The following PPM1H variants were observed in gnomAD, a reference collection of about 807,000 sequenced individuals.
PPM1H encodes protein phosphatase, Mg2+/Mn2+ dependent 1H, also known as protein phosphatase 1H.
Under a neutral mutation model 54.9 loss-of-function variants are expected in PPM1H, and 27 were observed. The observed-to-expected ratio is 0.49, with a 90% confidence interval of 0.36 to 0.68. PPM1H has a LOEUF of 0.68. Among genes scored for constraint, PPM1H ranks in the 30% least tolerant of loss-of-function variants. The pLI is 0.00. For missense variants in PPM1H, 596 were observed against 667.8 expected (o/e 0.89, Z 1.19); for synonymous variants, 305 against 270.8 (o/e 1.13, Z -1.24).
At chr12:62,916,092 G>C (rs1871613487) in intron 1 of PPM1H, among the ~76,000 whole-genome samples, 1 of 152,082 alleles carries the variant, frequency 6.6e-6, no homozygotes, top group African/African-American at 2.4e-5. Context: ...TTATATTATA[G>C]TTATACACAC....
chr12:62,787,869 G>C (rs1022654406), intron 4 of PPM1H, among the ~76,000 whole-genome samples: 40 of 152,194 alleles, frequency 2.6e-4, no homozygotes, highest in African/African-American at 9.4e-4. Flanking sequence ...AGTCAACTGG[G>C]GAGTCATCCC....
At chr12:62,659,103 T>G (rs962346916) in intron 9 of PPM1H, 1 of 731,666 alleles carries the variant, frequency 1.4e-6, no homozygotes, top group Non-Finnish European at 2.5e-6. Flanking sequence ...CAAATCTTAC[T>G]GTGCTGAGAT....
chr12:62,678,596 TGA>T (rs2076000580), intron 8 of PPM1H, among the ~76,000 whole-genome samples: 1 of 152,148 alleles, frequency 6.6e-6, no homozygotes, highest in African/African-American at 2.4e-5. Context: ...TAGCCAGACC[TGA>T]GAGTTAGAGA....
chr12:62,851,043 A>AT (rs1216468974), intron 1 of PPM1H: 1 of 152,166 alleles, frequency 6.6e-6, no homozygotes, highest in Non-Finnish European at 1.5e-5. Context: ...AAATACATGT[A>AT]TTTTTTAATG....
At chr12:62,688,497 A>C (rs1426441394) in intron 8 of PPM1H, among the ~76,000 whole-genome samples, 2 of 152,230 alleles carry the variant, frequency 1.3e-5, no homozygotes, top group African/African-American at 2.4e-5. Context: ...AGACTTTTCC[A>C]AATTTGGAAG....
intron 4 of PPM1H, among the ~76,000 whole-genome samples, chr12:62,774,966 A>G (rs975727742): frequency 2.0e-5 from 3 of 152,170 alleles, no homozygotes; most frequent in Non-Finnish European, 4.4e-5. Flanking sequence ...CCTTATCAGT[A>G]AAAAAGGGAA....
chr12:62,895,724 C>T (rs1870964060), intron 1 of PPM1H, among the ~76,000 whole-genome samples: 1 of 152,146 alleles, frequency 6.6e-6, no homozygotes, highest in African/African-American at 2.4e-5. Context: ...CTCCTCTGCA[C>T]TTGCACTCAC....
intron 3 of PPM1H, among the ~76,000 whole-genome samples, chr12:62,788,723 C>T (rs1443853468): frequency 3.9e-5 from 6 of 152,064 alleles, no homozygotes; most frequent in Admixed American, 3.9e-4. Context: ...TGGACCTGAT[C>T]AATGTTTTGT....
chr12:62,822,500 A>C (rs996699741), intron 2 of PPM1H, among the ~76,000 whole-genome samples: 5 of 152,224 alleles, frequency 3.3e-5, no homozygotes, highest in African/African-American at 1.2e-4. Context: ...GAAGTAAAGC[A>C]GTCCTTAACA....
intron 2 of PPM1H, 141 bp from the exon 3 acceptor site, chr12:62,802,301 C>A: frequency 1.7e-6 from 1 of 602,220 alleles, no homozygotes; most frequent in Non-Finnish European, 2.7e-6. Context: ...ACATAGCAAA[C>A]AAAACAAAAT....
chr12:62,789,852 C>T (rs564991213), intron 3 of PPM1H, among the ~76,000 whole-genome samples: 9 of 152,220 alleles, frequency 5.9e-5, no homozygotes, highest in Non-Finnish European at 1.0e-4. Context: ...AGACAGATAC[C>T]TGTGAAATTC....
At chr12:62,867,473 C>T (rs1010441315) in intron 1 of PPM1H, among the ~76,000 whole-genome samples, 2 of 151,414 alleles carry the variant, frequency 1.3e-5, no homozygotes, top group South Asian at 2.1e-4. Context: ...TAAATATAAC[C>T]GCAGGGAAAC....
At chr12:62,810,062 C>T (rs1304755790) in intron 2 of PPM1H, among the ~76,000 whole-genome samples, 1 of 152,088 alleles carries the variant, frequency 6.6e-6, no homozygotes. Context: ...GTCTCATTTG[C>T]TCTGGTATTC....
intron 4 of PPM1H, among the ~76,000 whole-genome samples, chr12:62,744,061 T>G (rs1460852319): frequency 6.6e-6 from 1 of 151,962 alleles, no homozygotes. Context: ...AATTCAGACT[T>G]TTGACGTTAT....
intron 1 of PPM1H, among the ~76,000 whole-genome samples, chr12:62,899,923 G>A (rs565786442): frequency 9.9e-5 from 15 of 152,240 alleles, no homozygotes; most frequent in African/African-American, 3.4e-4. Context: ...TCACAAATGG[G>A]GTTACTGCCC....
intron 5 of PPM1H, among the ~76,000 whole-genome samples, chr12:62,727,546 T>C (rs931139510): frequency 1.3e-5 from 2 of 151,882 alleles, no homozygotes; most frequent in Non-Finnish European, 2.9e-5. Flanking sequence ...TTTACAATCC[T>C]AAGAATACCT....
chr12:62,901,184 A>G (rs1871156416), intron 1 of PPM1H, among the ~76,000 whole-genome samples: 2 of 152,236 alleles, frequency 1.3e-5, no homozygotes, highest in Admixed American at 6.5e-5. Context: ...CTGTTGCACA[A>G]TGAATATTAG....
rs192499332 is a variant in PPM1H at position 62,665,131 on chromosome 12, T to C, written c.1397+2047A>G. Among the ~76,000 whole-genome samples the C allele has an allele frequency of 3.3e-5, 5 of 152,200 alleles. No homozygotes were observed. The East Asian group carries it at 9.7e-4, about 29-fold the overall frequency. On this transcript the variant is annotated intron_variant, in intron 9 of 9. Coordinates refer to ENST00000228705, the MANE Select transcript of PPM1H (RefSeq NM_020700.2). ...GGCGTGATCTCAACTCACTGCAACT[T>C]CCGCCTCCCAGGTTCAAACAATTCT...
intron 6 of PPM1H, among the ~76,000 whole-genome samples, chr12:62,708,360 A>G (rs1366064548): frequency 6.6e-6 from 1 of 152,262 alleles, no homozygotes; most frequent in Non-Finnish European, 1.5e-5. Context: ...CCATCACCAC[A>G]GCTGATTTAG....
Sources: gnomAD v4.1 joint callset for allele counts (sites outside exome capture counted in the v4.1 genomes callset) on GRCh38, gnomAD v4.1.1 for gene constraint, MANE v1.5 for transcripts, NCBI Gene and HGNC (gene_info 2026-07-23, HGNC 2026-07-21) for gene names.